Variants in GRID2 observed in about 807,000 individuals in gnomAD.
GRID2 encodes the protein glutamate receptor ionotropic, delta-2.
A neutral mutation model predicts 114.8 loss-of-function variants in GRID2; 33 were observed. The observed-to-expected ratio is 0.29, with a 90% CI of 0.22 to 0.38. The LOEUF (loss-of-function observed/expected upper bound fraction) is 0.38, where lower values mean the gene tolerates loss of function less well. Ranked by LOEUF, GRID2 falls within the 10% of genes least tolerant of loss-of-function variation. The pLI, the probability that GRID2 is intolerant of heterozygous loss-of-function variation, is 1.00. For missense variants in GRID2, 1,184 were observed against 1,257.7 expected (o/e 0.94, Z 0.89); for synonymous variants, 505 against 449.9 (o/e 1.12, Z -1.55).
intron 14 of GRID2, among the ~76,000 whole-genome samples, chr4:93,682,024 C>T (rs1725603949): frequency 6.6e-6 from 1 of 151,446 alleles, no homozygotes; most frequent in Non-Finnish European, 1.5e-5. Context: ...TTTTCACAAC[C>T]TACTCATCTG....
At chr4:92,883,195 A>G (rs1746141822) in intron 2 of GRID2, among the ~76,000 whole-genome samples, 1 of 152,228 alleles carries the variant, frequency 6.6e-6, no homozygotes, top group Non-Finnish European at 1.5e-5. Flanking sequence ...CTTCACTAGG[A>G]GTAGATTCCA....
At chr4:92,739,753 G>T (rs550555148) in intron 2 of GRID2, among the ~76,000 whole-genome samples, 2 of 152,060 alleles carry the variant, frequency 1.3e-5, no homozygotes, top group African/African-American at 2.4e-5. Flanking sequence ...GAAGTTATAG[G>T]AGAAGAGGAA....
At chr4:92,911,515 G>A (rs915499865) in intron 2 of GRID2, among the ~76,000 whole-genome samples, 1 of 151,930 alleles carries the variant, frequency 6.6e-6, no homozygotes, top group East Asian at 1.9e-4. Context: ...CGTGTATGCT[G>A]TATTGTTGGA....
At chr4:92,530,656 C>T (rs1014354170) in intron 1 of GRID2, among the ~76,000 whole-genome samples, 1 of 148,938 alleles carries the variant, frequency 6.7e-6, no homozygotes, top group African/African-American at 2.5e-5. Context: ...AATCCCAGTA[C>T]ATTGGGAGGC....
chr4:93,128,071 G>A (rs1442127732), intron 4 of GRID2, among the ~76,000 whole-genome samples: 1 of 126,832 alleles, frequency 7.9e-6, no homozygotes. Flanking sequence ...AACAGTACGT[G>A]CTATATTGGT....
chr4:92,433,425 A>G (rs1732567856), intron 1 of GRID2, among the ~76,000 whole-genome samples: 3 of 152,162 alleles, frequency 2.0e-5, no homozygotes, highest in Non-Finnish European at 4.4e-5. Flanking sequence ...TTAGGTTCCG[A>G]CTGCTGGGAT....
chr4:92,907,350 T>C (rs1440921849), intron 2 of GRID2, among the ~76,000 whole-genome samples: 1 of 152,146 alleles, frequency 6.6e-6, no homozygotes, highest in Non-Finnish European at 1.5e-5. Flanking sequence ...TTTCTATAGG[T>C]AGGTATTTGG....
chr4:93,133,716 C>T (rs886186065), intron 4 of GRID2, among the ~76,000 whole-genome samples: 30 of 152,156 alleles, frequency 2.0e-4, no homozygotes, highest in African/African-American at 7.0e-4. Context: ...CAGTTGTGTC[C>T]TATTTCCCCT....
intron 2 of GRID2, among the ~76,000 whole-genome samples, chr4:92,749,002 A>G (rs1367231721): frequency 2.0e-5 from 3 of 150,848 alleles, no homozygotes; most frequent in Non-Finnish European, 4.4e-5. Context: ...TTATTTATTT[A>G]TTTATTTTTG....
intron 2 of GRID2, among the ~76,000 whole-genome samples, chr4:92,855,708 CTT>C (rs1175557736): frequency 1.3e-5 from 2 of 151,678 alleles, no homozygotes; most frequent in Non-Finnish European, 2.9e-5. Context: ...TTTTATTAAA[CTT>C]AACACACACC....
chr4:92,540,008 T>G (rs549768372), intron 1 of GRID2, among the ~76,000 whole-genome samples: 1 of 152,278 alleles, frequency 6.6e-6, no homozygotes, highest in South Asian at 2.1e-4. Context: ...TACAACCATC[T>G]AATCTTTGAC....
intron 4 of GRID2, among the ~76,000 whole-genome samples, chr4:93,141,615 A>G (rs13115341): frequency 0.39 from 59,397 of 152,126 alleles, 11,973 homozygotes; most frequent in Admixed American, 0.54. Context: ...TATAACCACT[A>G]CAGAGAGCTG....
intron 14 of GRID2, among the ~76,000 whole-genome samples, chr4:93,743,645 CTT>C (rs1490129225): frequency 6.6e-6 from 1 of 152,114 alleles, no homozygotes; most frequent in Non-Finnish European, 1.5e-5. Context: ...GTGCCAGACT[CTT>C]TTTAATAACC....
chr4:92,882,416 T>C (rs1387818158), intron 2 of GRID2, among the ~76,000 whole-genome samples: 1 of 152,196 alleles, frequency 6.6e-6, no homozygotes, highest in African/African-American at 2.4e-5. Context: ...TTTTAAATAA[T>C]GTAAGACTGT....
chr4:92,622,585 T>C (rs980776500), intron 2 of GRID2, among the ~76,000 whole-genome samples: 24 of 151,752 alleles, frequency 1.6e-4, no homozygotes, highest in Admixed American at 6.6e-4. Flanking sequence ...AAAGTGAACA[T>C]CAGTCCCTCA....
intron 2 of GRID2, among the ~76,000 whole-genome samples, chr4:92,809,864 A>G: frequency 6.6e-6 from 1 of 152,008 alleles, no homozygotes; most frequent in East Asian, 1.9e-4. Context: ...ATATCATAAT[A>G]TTTATATCAC....
intron 14 of GRID2, among the ~76,000 whole-genome samples, chr4:93,649,512 A>AAC: frequency 1.3e-5 from 2 of 152,262 alleles, no homozygotes; most frequent in East Asian, 3.9e-4. Context: ...AGTTTTTTTC[A>AAC]CTTAAAGAAG....
chr4:92,583,583 A>G (rs1259858555), intron 1 of GRID2, among the ~76,000 whole-genome samples: 1 of 151,806 alleles, frequency 6.6e-6, no homozygotes, highest in Non-Finnish European at 1.5e-5. Flanking sequence ...GAGGCTGCTG[A>G]AACATTTGTA....
intron 1 of GRID2, among the ~76,000 whole-genome samples, chr4:92,336,673 A>G (rs979828471): frequency 2.6e-5 from 4 of 152,200 alleles, no homozygotes; most frequent in Non-Finnish European, 5.9e-5. Flanking sequence ...TTTGGCCTCC[A>G]TGGGTCTTAA....
Sources: allele counts gnomAD v4.1 joint callset (sites outside exome capture counted in the v4.1 genomes callset), GRCh38; gene constraint gnomAD v4.1.1; transcripts MANE v1.5; gene names NCBI Gene and HGNC (gene_info 2026-07-23, HGNC 2026-07-21).